The following SYT14 variants were observed in gnomAD, a reference collection of about 807,000 sequenced individuals.
SYT14 encodes synaptotagmin-14.
Under a neutral mutation model 74.2 loss-of-function variants are expected in SYT14, and 32 were observed. That is an observed-to-expected ratio of 0.43 (90% confidence interval 0.33 to 0.58). SYT14 has a LOEUF of 0.58. Ranked by LOEUF, SYT14 falls within the 20% of genes least tolerant of loss-of-function variation. The probability of loss-of-function intolerance (pLI) is 0.05; values close to 1 mark genes in which losing one functional copy is unlikely to be tolerated. For missense variants in SYT14, 791 were observed against 981.8 expected (o/e 0.81, Z 2.60); for synonymous variants, 298 against 337.7 (o/e 0.88, Z 1.29).
intron 7 of SYT14, among the ~76,000 whole-genome samples, chr1:210,143,026 C>A (rs1271623144): frequency 1.3e-5 from 2 of 152,116 alleles, no homozygotes; most frequent in Non-Finnish European, 2.9e-5. Flanking sequence ...TAGAACTACT[C>A]CTAGCTCTTT....
intron 2 of SYT14, among the ~76,000 whole-genome samples, chr1:210,007,365 T>C (rs2080008819): frequency 6.6e-6 from 1 of 152,120 alleles, no homozygotes; most frequent in South Asian, 2.1e-4. Context: ...GTTAATATTC[T>C]TTATTGAGCA....
At chr1:210,097,117 A>G (rs1324405543) in intron 6 of SYT14, among the ~76,000 whole-genome samples, 2 of 152,248 alleles carry the variant, frequency 1.3e-5, no homozygotes, top group African/African-American at 2.4e-5. Context: ...CATTACAGAA[A>G]TATTTAGATG....
At chr1:210,046,808 T>A (rs1387173827) in intron 5 of SYT14, among the ~76,000 whole-genome samples, 1 of 152,204 alleles carries the variant, frequency 6.6e-6, no homozygotes. Context: ...TTAGGAATAA[T>A]GCTGCTATGA....
chr1:210,121,738 G>A (rs2082470172), intron 7 of SYT14, among the ~76,000 whole-genome samples: 2 of 150,522 alleles, frequency 1.3e-5, no homozygotes, highest in East Asian at 2.0e-4. Context: ...AGCTTGCAGT[G>A]AGCCAAGATC....
At chr1:210,064,166 T>A (rs2081256826) in intron 5 of SYT14, among the ~76,000 whole-genome samples, 1 of 152,012 alleles carries the variant, frequency 6.6e-6, no homozygotes, top group African/African-American at 2.4e-5. Flanking sequence ...TGCCTTTTTG[T>A]GTCTGATTTA....
At chr1:210,057,347 TTG>T (rs1558158922) in intron 5 of SYT14, among the ~76,000 whole-genome samples, 1 of 152,210 alleles carries the variant, frequency 6.6e-6, no homozygotes, top group East Asian at 1.9e-4. Context: ...GTTTGAAACA[TTG>T]AACCCTCTTT....
chr1:210,056,882 C>T (rs188655679), intron 5 of SYT14, among the ~76,000 whole-genome samples: 162 of 148,670 alleles, frequency 1.1e-3, no homozygotes, highest in African/African-American at 3.8e-3. Context: ...CTTGCTCTGT[C>T]ACCCAGGCTG....
At chr1:210,023,578 G>T (rs2080347324) in intron 5 of SYT14, among the ~76,000 whole-genome samples, 1 of 152,146 alleles carries the variant, frequency 6.6e-6, no homozygotes, top group Non-Finnish European at 1.5e-5. Context: ...TTCTGACCTT[G>T]TGATCTGCCC....
exon 10 of SYT14, chr1:210,163,597 A>C (rs1470438520): frequency 2.2e-6 from 1 of 453,304 alleles, no homozygotes; most frequent in African/African-American, 2.0e-5. Context: ...TCCTCTATGT[A>C]TTTACTAGAT....
chr1:209,961,828 A>G (rs1356610003), intron 2 of SYT14, among the ~76,000 whole-genome samples: 2 of 152,044 alleles, frequency 1.3e-5, no homozygotes, highest in Non-Finnish European at 2.9e-5. Context: ...TATGAGACCT[A>G]CCTACTGAGT....
At chr1:209,938,348 G>A (rs1659376664) in intron 1 of SYT14, 71 bp downstream of exon 1, 8 of 1,460,112 alleles carry the variant, frequency 5.5e-6, no homozygotes, top group East Asian at 2.9e-5. Flanking sequence ...GAGGTGCGCC[G>A]GCAGGCCGAG....
intron 7 of SYT14, among the ~76,000 whole-genome samples, chr1:210,134,985 C>CTT (rs530229562): frequency 0.015 from 2,148 of 146,506 alleles, 65 homozygotes; most frequent in African/African-American, 0.051. Context: ...TTTTCCCTGT[C>CTT]TTTTTTTTTT....
chr1:210,026,652 A>C (rs1160838315), intron 5 of SYT14, among the ~76,000 whole-genome samples: 1 of 146,964 alleles, frequency 6.8e-6, no homozygotes, highest in Non-Finnish European at 1.5e-5. Context: ...ACTCACCCCT[A>C]CTTGTCATTC....
chr1:210,074,301 G>A (rs956105153), intron 5 of SYT14, among the ~76,000 whole-genome samples: 3 of 152,138 alleles, frequency 2.0e-5, no homozygotes, highest in Non-Finnish European at 4.4e-5. Context: ...CTGATTTACA[G>A]ATGAGCAAAT....
At chr1:210,153,556 T>C (rs1207197442) in intron 7 of SYT14, among the ~76,000 whole-genome samples, 2 of 152,198 alleles carry the variant, frequency 1.3e-5, no homozygotes, top group Non-Finnish European at 2.9e-5. Context: ...GATATTTTAA[T>C]AAATTTTATT....
intron 5 of SYT14, among the ~76,000 whole-genome samples, chr1:210,080,331 TGTA>T (rs1366200506): frequency 6.6e-6 from 1 of 152,230 alleles, no homozygotes; most frequent in Non-Finnish European, 1.5e-5. Flanking sequence ...CATAATATCA[TGTA>T]GTCAGATTAG....
intron 7 of SYT14, among the ~76,000 whole-genome samples, chr1:210,150,812 T>G (rs1345712985): frequency 6.6e-6 from 1 of 152,176 alleles, no homozygotes; most frequent in Non-Finnish European, 1.5e-5. Flanking sequence ...ACATAAGTAG[T>G]TACAAGTAAG....
chr1:210,156,020 T>C, intron 8 of SYT14, 110 bp downstream of exon 7: 1 of 983,628 alleles, frequency 1.0e-6, no homozygotes, highest in South Asian at 1.4e-5. Flanking sequence ...AATGAAATGG[T>C]GTAATCATCA....
chr1:210,010,762 A>G lies in SYT14; in HGVS notation c.-485-2871A>G, dbSNP rs114015742. ...AGAGGCAAGAAGAGGAGAGAAGGAAAACAGAAGCAGTATGAGTAGTATTTA... is the reference window on the plus strand; with the variant it reads ...AGAGGCAAGAAGAGGAGAGAAGGAAGACAGAAGCAGTATGAGTAGTATTTA... On this transcript the variant is annotated intron_variant, in intron 2 of 9. Coordinates refer to ENST00000637265, the Ensembl canonical transcript of SYT14. Among the ~76,000 whole-genome samples, 484 of 152,294 alleles carry G rather than the reference A, an allele frequency of 3.2e-3. 6 individuals carry two copies. Among genetic ancestry groups the G allele is most frequent in the African/African-American group, 0.011 (468 of 41,574 alleles).
Sources: gnomAD v4.1 joint callset for allele counts (sites outside exome capture counted in the v4.1 genomes callset) on GRCh38, gnomAD v4.1.1 for gene constraint, MANE v1.5 for transcripts, NCBI Gene and HGNC (gene_info 2026-07-23, HGNC 2026-07-21) for gene names.